Variants in GRM1 observed in about 807,000 individuals in gnomAD.
GRM1 encodes metabotropic glutamate receptor 1.
In GRM1, 33 loss-of-function variants were observed where a neutral mutation model predicts 90.9. The observed-to-expected ratio is 0.36, with a 90% CI of 0.28 to 0.49. The LOEUF (loss-of-function observed/expected upper bound fraction) is 0.49. Among genes scored for constraint, GRM1 ranks in the 20% least tolerant of loss-of-function variants. GRM1 has a pLI of 0.99. For missense variants in GRM1, 1,190 were observed against 1,534.3 expected, an observed-to-expected ratio of 0.78 and a Z score of 3.75; for synonymous variants, 700 against 613.2, an observed-to-expected ratio of 1.14 and a Z score of -2.09.
intron 1 of GRM1, among the ~76,000 whole-genome samples, chr6:146,154,827 C>G (rs1443291963): frequency 6.6e-6 from 1 of 152,174 alleles, no homozygotes; most frequent in Non-Finnish European, 1.5e-5. Context: ...CTTTCACAAA[C>G]AGTGTATGTA....
At chr6:146,186,287 A>G (rs967875838) in intron 2 of GRM1, among the ~76,000 whole-genome samples, 1 of 151,414 alleles carries the variant, frequency 6.6e-6, no homozygotes, top group African/African-American at 2.4e-5. Flanking sequence ...CTATAGATAT[A>G]CTCTTAATAT....
At chr6:146,241,919 C>T (rs1780878983) in intron 2 of GRM1, among the ~76,000 whole-genome samples, 1 of 151,986 alleles carries the variant, frequency 6.6e-6, no homozygotes, top group Non-Finnish European at 1.5e-5. Context: ...GTTCAGTAAC[C>T]AGGATGTTAG....
At chr6:146,196,997 A>G (rs1779145666) in intron 2 of GRM1, among the ~76,000 whole-genome samples, 1 of 152,236 alleles carries the variant, frequency 6.6e-6, no homozygotes, top group Non-Finnish European at 1.5e-5. Flanking sequence ...AATTGGACCT[A>G]CACCCATAAG....
intron 2 of GRM1, among the ~76,000 whole-genome samples, chr6:146,188,697 G>A (rs1347641635): frequency 2.6e-5 from 4 of 152,142 alleles, no homozygotes; most frequent in Admixed American, 1.3e-4. Flanking sequence ...CTGACGAAAC[G>A]TTTGCTAGTT....
At chr6:146,409,084 T>A (rs1777465350) in intron 7 of GRM1, among the ~76,000 whole-genome samples, 3 of 152,090 alleles carry the variant, frequency 2.0e-5, no homozygotes, top group Non-Finnish European at 4.4e-5. Context: ...GGGTATTTAA[T>A]GTAAAAATAT....
At chr6:146,398,714 T>G in intron 6 of GRM1, 55 bp from the exon 7 acceptor site, 2 of 1,179,360 alleles carry the variant, frequency 1.7e-6, no homozygotes, top group Non-Finnish European at 2.6e-6. Flanking sequence ...ATAGGCAAGT[T>G]GTTATTCCTA....
chr6:146,396,091 T>TCTATCTATCTATCTAC (rs1776920058), intron 6 of GRM1, among the ~76,000 whole-genome samples: 1 of 90,988 alleles, frequency 1.1e-5, no homozygotes. Context: ...TATCTATCTA[T>TCTATCTATCTATCTAC]CTATCTATCT....
intron 3 of GRM1, among the ~76,000 whole-genome samples, chr6:146,329,493 G>T (rs1287927258): frequency 6.6e-6 from 1 of 152,120 alleles, no homozygotes; most frequent in African/African-American, 2.4e-5. Context: ...CGAGAGATTG[G>T]ATATCATGAA....
At chr6:146,382,381 C>G in intron 5 of GRM1, among the ~76,000 whole-genome samples, 1 of 146,264 alleles carries the variant, frequency 6.8e-6, no homozygotes, top group East Asian at 2.0e-4. Context: ...ATTTGTAAAA[C>G]AATTAGAGGA....
chr6:146,225,398 T>C (rs935995204), intron 2 of GRM1, among the ~76,000 whole-genome samples: 2 of 152,134 alleles, frequency 1.3e-5, no homozygotes, highest in African/African-American at 4.8e-5. Context: ...CTCCCTTTGA[T>C]ATTCAGCATT....
intron 7 of GRM1, among the ~76,000 whole-genome samples, chr6:146,423,292 GC>G (rs1045200807): frequency 6.6e-6 from 1 of 152,140 alleles, no homozygotes; most frequent in African/African-American, 2.4e-5. Context: ...CAGTTTTTAT[GC>G]AGTTGATAAA....
intron 5 of GRM1, among the ~76,000 whole-genome samples, chr6:146,378,917 C>T (rs1015916942): frequency 2.0e-5 from 3 of 152,166 alleles, no homozygotes; most frequent in African/African-American, 7.2e-5. Flanking sequence ...CATTCTCTCT[C>T]TTGCTTGCCT....
At chr6:146,203,154 A>G (rs1353677599) in intron 2 of GRM1, among the ~76,000 whole-genome samples, 1 of 151,990 alleles carries the variant, frequency 6.6e-6, no homozygotes, top group East Asian at 1.9e-4. Flanking sequence ...AGATAGCGCC[A>G]CATCACTCCA....
chr6:146,269,372 A>G (rs1279350518), intron 2 of GRM1, among the ~76,000 whole-genome samples: 2 of 152,262 alleles, frequency 1.3e-5, no homozygotes, highest in Non-Finnish European at 2.9e-5. Flanking sequence ...CATGCTTCAT[A>G]TGTCATTTAA....
At chr6:146,343,258 C>T (rs1167197990) in intron 3 of GRM1, among the ~76,000 whole-genome samples, 1 of 152,164 alleles carries the variant, frequency 6.6e-6, no homozygotes, top group Admixed American at 6.5e-5. Flanking sequence ...ATGATGTTAA[C>T]ATTGATCACT....
At chr6:146,242,862 G>C (rs1299347844) in intron 2 of GRM1, among the ~76,000 whole-genome samples, 1 of 152,148 alleles carries the variant, frequency 6.6e-6, no homozygotes, top group Non-Finnish European at 1.5e-5. Flanking sequence ...TTCCATCTGA[G>C]ATATAGAAAT....
chr6:146,223,995 G>A (rs995969073), intron 2 of GRM1, among the ~76,000 whole-genome samples: 2 of 151,966 alleles, frequency 1.3e-5, no homozygotes, highest in Non-Finnish European at 2.9e-5. Flanking sequence ...ATTTTTAAGG[G>A]TGGAAAAAAA....
rs117428134 is a variant in GRM1 at position 146,216,974 on chromosome 6, A to G, written c.950+57377A>G. Among the ~76,000 whole-genome samples the G allele has an allele frequency of 6.6e-5, 10 of 152,292 alleles. No individual in the cohort carries two copies. The East Asian group carries it at 1.9e-3, about 29-fold the overall frequency. ...AATTTGGTGCAGGTGAAGTCTAAAT[A>G]TTATGAACAAAGATTATTTATTGAG... On this transcript the variant is annotated intron_variant, in intron 2 of 7. Transcript: ENST00000282753.
intron 1 of GRM1, among the ~76,000 whole-genome samples, chr6:146,081,285 A>G (rs1562450780): frequency 6.6e-6 from 1 of 152,244 alleles, no homozygotes. Flanking sequence ...AAATTATTTC[A>G]AAATAACAAG....
Sources: gnomAD v4.1 joint callset for allele counts (sites outside exome capture counted in the v4.1 genomes callset) on GRCh38, gnomAD v4.1.1 for gene constraint, MANE v1.5 for transcripts, NCBI Gene and HGNC (gene_info 2026-07-23, HGNC 2026-07-21) for gene names.